Variants in CHSY1 observed in about 807,000 individuals in gnomAD.
CHSY1 encodes the protein N-acetylgalactosaminyl-proteoglycan 3-beta-glucuronosyltransferase 1.
Under a neutral mutation model 59.8 loss-of-function variants are expected in CHSY1, and 13 were observed. The ratio of observed to expected loss-of-function variants is 0.22; its 90% confidence interval spans 0.14 to 0.35. The LOEUF (loss-of-function observed/expected upper bound fraction) is 0.35, where lower values mean the gene tolerates loss of function less well. Ranked by LOEUF, CHSY1 falls within the 10% of genes least tolerant of loss-of-function variation. The pLI is 1.00. For missense variants in CHSY1, 947 were observed against 1,030.6 expected (o/e 0.92, Z 1.11); for synonymous variants, 459 against 401.2 (o/e 1.14, Z -1.72).
intron 2 of CHSY1, among the ~76,000 whole-genome samples, chr15:101,214,927 C>A (rs544704641): frequency 1.9e-4 from 29 of 152,262 alleles, no homozygotes; most frequent in African/African-American, 7.0e-4. Context: ...TAAGGTTTAG[C>A]ACCTCCCCTT....
chr15:101,179,308 C>T (rs895873136), intron 2 of CHSY1, among the ~76,000 whole-genome samples: 4 of 152,198 alleles, frequency 2.6e-5, no homozygotes, highest in South Asian at 4.1e-4. Context: ...AAGCCACCCC[C>T]GTCCCACTAC....
chr15:101,186,931 C>T (rs939887662), intron 2 of CHSY1: 2 of 152,226 alleles, frequency 1.3e-5, no homozygotes, highest in African/African-American at 2.4e-5. Flanking sequence ...CATGTCAGAA[C>T]GAGTCACAAA....
chr15:101,180,236 C>T (rs2038258506), intron 2 of CHSY1, among the ~76,000 whole-genome samples: 1 of 152,188 alleles, frequency 6.6e-6, no homozygotes, highest in Non-Finnish European at 1.5e-5. Flanking sequence ...CCTGCCAGGC[C>T]CCGCACAGAG....
At chr15:101,182,119 T>C (rs1467585209) in intron 2 of CHSY1, among the ~76,000 whole-genome samples, 2 of 152,198 alleles carry the variant, frequency 1.3e-5, no homozygotes, top group Non-Finnish European at 2.9e-5. Context: ...CAGACCTCAA[T>C]CTACAGTACC....
chr15:101,206,179 A>T (rs952185503), intron 2 of CHSY1, among the ~76,000 whole-genome samples: 1 of 152,096 alleles, frequency 6.6e-6, no homozygotes, highest in African/African-American at 2.4e-5. Flanking sequence ...TCCCCGGGTG[A>T]GCCTCTGAGG....
intron 1 of CHSY1, among the ~76,000 whole-genome samples, chr15:101,247,744 A>T (rs2039065595): frequency 6.6e-6 from 1 of 152,092 alleles, no homozygotes; most frequent in Non-Finnish European, 1.5e-5. Context: ...GCCCTGCTAT[A>T]TCTTGGTGGC....
At chr15:101,247,737 C>T (rs2039065538) in intron 1 of CHSY1, among the ~76,000 whole-genome samples, 1 of 152,170 alleles carries the variant, frequency 6.6e-6, no homozygotes, top group Admixed American at 6.5e-5. Flanking sequence ...TGTCACTGCC[C>T]TGCTATATCT....
At chr15:101,205,143 C>CTT (rs977674276) in intron 2 of CHSY1, among the ~76,000 whole-genome samples, 23 of 151,192 alleles carry the variant, frequency 1.5e-4, no homozygotes, top group Non-Finnish European at 3.1e-4. Flanking sequence ...AATATTTTAT[C>CTT]TTTTTTTTTC....
chr15:101,251,116 G>T lies in CHSY1; in HGVS notation c.320+21C>A, dbSNP rs540428399. On this transcript the variant is annotated intron_variant, in intron 1 of 2. Coordinates refer to ENST00000254190, the MANE Select transcript of CHSY1 (RefSeq NM_014918.5). The stretch of plus-strand genomic sequence containing the variant: ...CGGGATGCCGGACGCAGGAGGCGGT[G>T]CCCGGGGAGCAGGGGCTCACCTGTA... The T allele has an allele frequency of 1.3e-5, 21 of 1,556,938 alleles. No individual in the cohort carries two copies. In the African/African-American group the frequency reaches 2.3e-4, roughly 17 times the overall value.
intron 1 of CHSY1, 61 bp downstream of exon 1, chr15:101,251,076 C>T: frequency 6.8e-7 from 1 of 1,476,144 alleles, no homozygotes; most frequent in South Asian, 1.2e-5. Context: ...GGAGAGCACC[C>T]GGGATGCCGG....
chr15:101,211,375 G>A (rs1316511430), intron 2 of CHSY1, among the ~76,000 whole-genome samples: 1 of 152,146 alleles, frequency 6.6e-6, no homozygotes, highest in African/African-American at 2.4e-5. Context: ...TACAACTGAA[G>A]AGATATTAGT....
At position 101,178,936 on chromosome 15, in the gene CHSY1, C is replaced by T; in HGVS notation, c.861G>A (p.Gly287=). ...FYENYEQNKK[G]YIRDLHNSKI... is the part of the protein sequence containing the mutation. ...TACTGTTATGGAGATCTCTAATGTACCCCTTTTTGTTCTGCTCGTAATTCT... is the reference window on the plus strand; with the variant it reads ...TACTGTTATGGAGATCTCTAATGTATCCCTTTTTGTTCTGCTCGTAATTCT... The change falls in exon 3 of 3, where the codon GGG becomes GGA. Residue 287 remains glycine, a synonymous_variant. Coordinates refer to ENST00000254190, the MANE Select transcript of CHSY1 (RefSeq NM_014918.5). 1 of 1,613,974 alleles carries T rather than the reference C, an allele frequency of 6.2e-7. No homozygotes were observed. The highest frequency in any genetic ancestry group is 8.5e-7 in the Non-Finnish European group (1 of 1,179,946).
At chr15:101,232,950 C>A (rs899033916) in intron 2 of CHSY1, among the ~76,000 whole-genome samples, 2 of 152,188 alleles carry the variant, frequency 1.3e-5, no homozygotes, top group Non-Finnish European at 2.9e-5. Context: ...AATAACCACA[C>A]TCCCAAGGAG....
Position 101,187,957 on chromosome 15 carries a change from T to C in CHSY1, c.817-8977A>G, listed in dbSNP as rs185309743. ...CTTCTAGCCCAGCTGGGAATAACCA[T>C]CAACTACCCATATCTAATCTTTGGT... On this transcript the variant is annotated intron_variant, in intron 2 of 2. Coordinates refer to ENST00000254190, the MANE Select transcript of CHSY1 (RefSeq NM_014918.5). The C allele has an allele frequency of 1.5e-4, 137 of 904,578 alleles. 1 individual carries two copies. The African/African-American group carries it at 2.4e-3, about 16-fold the overall frequency. The allele number at this position is 904,578 out of a possible 1,614,324, so 56.0% of individuals were successfully genotyped here. A position where few individuals can be genotyped will look rare whatever the true frequency, so the allele number is the denominator to read the frequency against.
rs181816836 is a variant in CHSY1, at chr15:101,218,384, G to C, written c.816+16698C>G. 1.3e-3 allele frequency among the ~76,000 whole-genome samples: 194 copies of C among 152,260 alleles called. 4 individuals are homozygous for C. The East Asian group carries it at 0.034, about 27-fold the overall frequency. ...GGCTGAGGCAGGTGGATCTCCTGAG[G>C]TCAGGAGTTTGAGAACAGCCTGGTC... On this transcript the variant is annotated intron_variant, in intron 2 of 2. Coordinates refer to ENST00000254190, the MANE Select transcript of CHSY1 (RefSeq NM_014918.5).
At chr15:101,196,419 G>A (rs1055545426) in intron 2 of CHSY1, among the ~76,000 whole-genome samples, 1 of 151,966 alleles carries the variant, frequency 6.6e-6, no homozygotes, top group Non-Finnish European at 1.5e-5. Flanking sequence ...GAAGGTTTAC[G>A]GCATAACCCA....
At chr15:101,248,653 T>A (rs1459522990) in intron 1 of CHSY1, among the ~76,000 whole-genome samples, 1 of 151,972 alleles carries the variant, frequency 6.6e-6, no homozygotes, top group Non-Finnish European at 1.5e-5. Flanking sequence ...AACAATGAGA[T>A]TAAGTCTTAC....
intron 2 of CHSY1, among the ~76,000 whole-genome samples, chr15:101,193,346 C>T (rs959999193): frequency 2.0e-5 from 3 of 152,230 alleles, no homozygotes; most frequent in African/African-American, 7.2e-5. Flanking sequence ...GCAGGGAAAA[C>T]CTGAGGGAGA....
In CHSY1 at chr15:101,235,240, T is replaced by A. The variant is rs1417011755; in HGVS notation, c.658A>T (p.Met220Leu). 1.2e-6 allele frequency: 2 copies of A among 1,614,116 alleles called. No homozygotes were observed. The highest frequency in any genetic ancestry group is 8.5e-7 in the Non-Finnish European group (1 of 1,180,004). The change falls in exon 2 of 3, where the codon ATG becomes TTG. Residue 220 changes from methionine to leucine, a missense_variant. Transcript: ENST00000254190. ...CTCATGATCACGCCAGGCCCCCCCA[T>A]GCAGAAGTTCTCACCAGGCTCCAGG... ...LALEPGENFC[M>L]GGPGVIMSRE...
Sources: gnomAD v4.1 joint callset for allele counts (sites outside exome capture counted in the v4.1 genomes callset) on GRCh38, gnomAD v4.1.1 for gene constraint, MANE v1.5 for transcripts, NCBI Gene and HGNC (gene_info 2026-07-23, HGNC 2026-07-21) for gene names.